Variants in TRPM3 observed in about 807,000 individuals in gnomAD.
TRPM3 encodes transient receptor potential cation channel subfamily M member 3, also known as long transient receptor potential channel 3.
A neutral mutation model predicts 181.2 loss-of-function variants in TRPM3; 77 were observed. That is an observed-to-expected ratio of 0.42 (90% CI 0.35 to 0.51). The LOEUF (loss-of-function observed/expected upper bound fraction) is 0.51, where lower values mean the gene tolerates loss of function less well. TRPM3 is among the 20% of genes least tolerant of loss of function. The pLI is 0.01. For synonymous variants in TRPM3, 745 were observed against 796.4 expected, an observed-to-expected ratio of 0.94 and a Z score of 1.09; for missense variants, 1,759 against 2,196.7, an observed-to-expected ratio of 0.80 and a Z score of 3.98.
At chr9:71,344,968 T>C (rs1234781646) in intron 1 of TRPM3, among the ~76,000 whole-genome samples, 1 of 152,204 alleles carries the variant, frequency 6.6e-6, no homozygotes, top group Non-Finnish European at 1.5e-5. Context: ...AAGACATTTA[T>C]GTGGCCAACA....
At chr9:70,611,725 T>C (rs1321816069) in intron 18 of TRPM3, among the ~76,000 whole-genome samples, 2 of 152,230 alleles carry the variant, frequency 1.3e-5, no homozygotes, top group African/African-American at 4.8e-5. Context: ...GTACTAGTTT[T>C]ATGGAAGTTC....
chr9:70,787,763 C>CTTTTTTTTTTTTTTTTTTGTTTT (rs2084048655), intron 6 of TRPM3, among the ~76,000 whole-genome samples: 1 of 68,558 alleles, frequency 1.5e-5, no homozygotes, highest in Non-Finnish European at 2.6e-5. Flanking sequence ...TTTTTGGATT[C>CTTTTTTTTTTTTTTTTTTGTTTT]TTTTTTTTTT....
chr9:70,938,491 C>G (rs1237092367), intron 1 of TRPM3, among the ~76,000 whole-genome samples: 2 of 152,068 alleles, frequency 1.3e-5, no homozygotes, highest in Admixed American at 6.6e-5. Context: ...TTCTATCTCT[C>G]CGCTTATTCT....
At chr9:70,853,602 T>C (rs1322032798) in intron 3 of TRPM3, among the ~76,000 whole-genome samples, 1 of 152,170 alleles carries the variant, frequency 6.6e-6, no homozygotes, top group Non-Finnish European at 1.5e-5. Flanking sequence ...AATGGAGCAA[T>C]TGACAAGCTA....
At chr9:71,207,689 C>T (rs1334378294) in intron 1 of TRPM3, among the ~76,000 whole-genome samples, 2 of 152,130 alleles carry the variant, frequency 1.3e-5, no homozygotes, top group African/African-American at 2.4e-5. Flanking sequence ...CTCTTTGAAT[C>T]AGATATTGTT....
At chr9:70,747,684 CAAAG>C (rs2075418235) in intron 8 of TRPM3, among the ~76,000 whole-genome samples, 1 of 151,810 alleles carries the variant, frequency 6.6e-6, no homozygotes, top group South Asian at 2.1e-4. Flanking sequence ...AGAAAGCAAA[CAAAG>C]AACAGTATGT....
At chr9:70,545,212 C>T (rs2044515006) in intron 25 of TRPM3, among the ~76,000 whole-genome samples, 1 of 152,056 alleles carries the variant, frequency 6.6e-6, no homozygotes, top group Non-Finnish European at 1.5e-5. Flanking sequence ...TCCGTTATAC[C>T]ATGGAGAGAA....
At chr9:71,032,595 G>T (rs927517351) in intron 1 of TRPM3, among the ~76,000 whole-genome samples, 2 of 152,040 alleles carry the variant, frequency 1.3e-5, no homozygotes, top group African/African-American at 4.8e-5. Context: ...CATTGAGTTT[G>T]CATTATAAAA....
chr9:71,216,937 C>CTTTTT lies in TRPM3; in HGVS notation c.183+229711_183+229715dup, dbSNP rs10536771. ...GCACAAGCATAGTCAGTGGCCCTTT[C>CTTTTT]TTTTTTTTTTTTTTTTTTTTTTTTT... On this transcript the variant is annotated intron_variant, in intron 1 of 24. Transcript: ENST00000357533. Among the ~76,000 whole-genome samples, 408 of 73,016 alleles carry CTTTTT rather than the reference C, an allele frequency of 5.6e-3. 17 individuals are homozygous for CTTTTT. Among genetic ancestry groups the CTTTTT allele is most frequent in the African/African-American group, 0.018 (316 of 17,358 alleles). The allele number at this position is 73,016 out of a possible 152,430, so 47.9% of individuals were successfully genotyped here. A position where few individuals can be genotyped will look rare whatever the true frequency, so the allele number is the denominator to read the frequency against.
intron 7 of TRPM3, among the ~76,000 whole-genome samples, chr9:70,769,650 A>G (rs2079840703): frequency 2.0e-5 from 3 of 152,134 alleles, no homozygotes; most frequent in Non-Finnish European, 2.9e-5. Flanking sequence ...ATTAAAAAAA[A>G]TCACCCTCAT....
chr9:70,938,390 C>A (rs1175741353), intron 1 of TRPM3, among the ~76,000 whole-genome samples: 1 of 152,150 alleles, frequency 6.6e-6, no homozygotes, highest in African/African-American at 2.4e-5. Context: ...TTCTTTGAGC[C>A]CTTTGTACAT....
At chr9:71,299,094 T>C (rs1473507755) in intron 1 of TRPM3, among the ~76,000 whole-genome samples, 1 of 152,196 alleles carries the variant, frequency 6.6e-6, no homozygotes, top group Non-Finnish European at 1.5e-5. Context: ...GCACACCTTC[T>C]GAACGATGAA....
At chr9:70,652,510 T>C (rs2059724090) in intron 9 of TRPM3, among the ~76,000 whole-genome samples, 1 of 152,142 alleles carries the variant, frequency 6.6e-6, no homozygotes, top group Admixed American at 6.6e-5. Context: ...ACTCAGGAAC[T>C]TTGACACCAA....
chr9:71,391,928 G>A (rs780485106), intron 1 of TRPM3, among the ~76,000 whole-genome samples: 4 of 151,920 alleles, frequency 2.6e-5, no homozygotes, highest in Non-Finnish European at 5.9e-5. Context: ...ATAACTGAAA[G>A]GCATAAAACA....
intron 1 of TRPM3, among the ~76,000 whole-genome samples, chr9:71,218,944 G>C (rs535669023): frequency 7.2e-5 from 11 of 152,234 alleles, no homozygotes; most frequent in African/African-American, 2.6e-4. Context: ...TACATAATCT[G>C]TTCAAAGTCC....
At chr9:70,882,852 C>G (rs2096017762) in intron 1 of TRPM3, among the ~76,000 whole-genome samples, 1 of 152,102 alleles carries the variant, frequency 6.6e-6, no homozygotes, top group Non-Finnish European at 1.5e-5. Context: ...GGTTGCAGGT[C>G]ATGGCAACTA....
At position 70,787,468 on chromosome 9, in the gene TRPM3, A is replaced by G. The variant is rs187451949; in HGVS notation, c.974-3189T>C. On this transcript the variant is annotated intron_variant, in intron 6 of 25. Coordinates refer to ENST00000677713, the MANE Select transcript of TRPM3 (RefSeq NM_001366145.2). ...ATTTCTTAGTTATGAGAGGTAGAAA[A>G]TCAAACTATGCCTAAAACTATCATG... is the stretch of plus-strand genomic sequence containing the variant. Among the ~76,000 whole-genome samples, 70 of 152,298 alleles carry G rather than the reference A, an allele frequency of 4.6e-4. 1 individual carries two copies. The highest frequency in any genetic ancestry group is 6.5e-4 in the Non-Finnish European group (44 of 68,020).
chr9:70,840,030 T>G (rs2094544019), intron 5 of TRPM3, among the ~76,000 whole-genome samples: 3 of 152,164 alleles, frequency 2.0e-5, no homozygotes, highest in Admixed American at 1.3e-4. Flanking sequence ...GAATCTTCAC[T>G]AATGACCACC....
intron 3 of TRPM3, among the ~76,000 whole-genome samples, chr9:70,851,615 T>G (rs776970827): frequency 1.3e-5 from 2 of 152,154 alleles, no homozygotes; most frequent in Non-Finnish European, 2.9e-5. Context: ...TGAAGTAACT[T>G]AACCCATACA....
Sources: allele counts gnomAD v4.1 joint callset (sites outside exome capture counted in the v4.1 genomes callset), GRCh38; gene constraint gnomAD v4.1.1; transcripts MANE v1.5; gene names NCBI Gene and HGNC (gene_info 2026-07-23, HGNC 2026-07-21).